The following PRKN variants were observed in gnomAD, a reference collection of about 807,000 sequenced individuals.
PRKN encodes parkin RBR E3 ubiquitin protein ligase.
Under a neutral mutation model 59.5 loss-of-function variants are expected in PRKN, and 56 were observed. The observed-to-expected ratio is 0.94, with a 90% confidence interval of 0.76 to 1.18. PRKN has a LOEUF of 1.18. Among genes scored for constraint, PRKN ranks in the 50% most tolerant of loss-of-function variants. The pLI is 0.00. For missense variants in PRKN, 657 were observed against 596.4 expected (o/e 1.10, Z -1.06); for synonymous variants, 250 against 222.1 (o/e 1.13, Z -1.12).
At chr6:162,356,113 A>C (rs1210618472) in intron 2 of PRKN, among the ~76,000 whole-genome samples, 2 of 152,030 alleles carry the variant, frequency 1.3e-5, no homozygotes, top group African/African-American at 2.4e-5. Flanking sequence ...AAAACCACCA[A>C]CGTGACCTTT....
At chr6:162,213,508 T>G (rs2128075589) in intron 3 of PRKN, among the ~76,000 whole-genome samples, 1 of 152,186 alleles carries the variant, frequency 6.6e-6, no homozygotes, top group African/African-American at 2.4e-5. Flanking sequence ...CAAGTTGAGC[T>G]TGAGCTCAGG....
chr6:161,842,844 C>T (rs563609448), intron 6 of PRKN, among the ~76,000 whole-genome samples: 3 of 152,164 alleles, frequency 2.0e-5, no homozygotes, highest in Admixed American at 6.5e-5. Context: ...CACTGCACCC[C>T]GCCTCTTCCT....
intron 1 of PRKN, among the ~76,000 whole-genome samples, chr6:162,584,356 G>A (rs1780925078): frequency 6.6e-6 from 1 of 151,768 alleles, no homozygotes; most frequent in South Asian, 2.1e-4. Context: ...TAACCAACAT[G>A]AGGGAAAATC....
Position 161,521,841 on chromosome 6 carries a change from G to C in PRKN, c.1083+27013C>G, listed in dbSNP as rs1778837534. On this transcript the variant is annotated intron_variant, in intron 9 of 11. Transcript: ENST00000366898. ...TGCTCATTAGGCCTCTTCCAGACAA[G>C]CCTCCCTTGCATGCAATGAATATGC... Among the ~76,000 whole-genome samples the C allele has an allele frequency of 2.0e-5, 3 of 152,288 alleles. 1 individual carries two copies. Among genetic ancestry groups the C allele is most frequent in the South Asian group, 4.1e-4 (2 of 4,826 alleles).
chr6:162,505,566 C>T (rs1793571999), intron 1 of PRKN, among the ~76,000 whole-genome samples: 1 of 152,140 alleles, frequency 6.6e-6, no homozygotes, highest in Non-Finnish European at 1.5e-5. Context: ...ACTGGATTTA[C>T]CTGTGTCCAC....
chr6:161,885,436 G>A (rs573836526), intron 6 of PRKN, among the ~76,000 whole-genome samples: 10 of 152,184 alleles, frequency 6.6e-5, no homozygotes, highest in Admixed American at 3.9e-4. Context: ...AGGCCGAGGC[G>A]GGCAGATCAC....
chr6:162,098,559 A>G (rs1360201709), intron 4 of PRKN, among the ~76,000 whole-genome samples: 1 of 152,124 alleles, frequency 6.6e-6, no homozygotes, highest in Non-Finnish European at 1.5e-5. Flanking sequence ...ATCTCTCAAT[A>G]TCTTCATCAA....
At chr6:161,663,142 G>A (rs1480444210) in intron 7 of PRKN, among the ~76,000 whole-genome samples, 1 of 152,184 alleles carries the variant, frequency 6.6e-6, no homozygotes, top group Non-Finnish European at 1.5e-5. Flanking sequence ...CCAGGAATGT[G>A]AGGCTTCCCA....
intron 1 of PRKN, among the ~76,000 whole-genome samples, chr6:162,506,417 G>A (rs903596206): frequency 6.6e-6 from 1 of 152,102 alleles, no homozygotes; most frequent in Non-Finnish European, 1.5e-5. Flanking sequence ...ACTAGGAAGA[G>A]AATTTGATTA....
intron 1 of PRKN, among the ~76,000 whole-genome samples, chr6:162,535,907 C>CA (rs71544936): frequency 0.11 from 12,321 of 110,244 alleles, 630 homozygotes; most frequent in South Asian, 0.22. Context: ...GACCCTGTCT[C>CA]AAAAAAAAAA....
At chr6:162,041,163 T>C (rs1784056945) in intron 5 of PRKN, among the ~76,000 whole-genome samples, 1 of 152,052 alleles carries the variant, frequency 6.6e-6, no homozygotes, top group Non-Finnish European at 1.5e-5. Context: ...CCAGCCTAGG[T>C]GACAGAGTGA....
intron 5 of PRKN, among the ~76,000 whole-genome samples, chr6:161,974,691 T>A (rs567603827): frequency 1.3e-5 from 2 of 152,224 alleles, no homozygotes; most frequent in East Asian, 3.9e-4. Context: ...ATACATATAT[T>A]TTACTGGATG....
At chr6:162,178,878 T>G (rs1211871490) in intron 4 of PRKN, among the ~76,000 whole-genome samples, 3 of 152,090 alleles carry the variant, frequency 2.0e-5, no homozygotes, top group African/African-American at 7.2e-5. Context: ...CTTGTTTGCT[T>G]GTTTGTTTTG....
In PRKN at chr6:162,098,210, C is replaced by A. The variant is rs137857982; in HGVS notation, c.535-44036G>T. 8.7e-3 allele frequency among the ~76,000 whole-genome samples: 1,321 copies of A among 152,218 alleles called. 69 individuals are homozygous for A. The highest frequency in any genetic ancestry group is 0.072 in the Admixed American group (1,093 of 15,276). On this transcript the variant is annotated intron_variant, in intron 4 of 11. Coordinates refer to ENST00000366898, the MANE Select transcript of PRKN (RefSeq NM_004562.3). ...GAGTTGCTTTAGTTTAAACGAGGAT[C>A]ATGTCAACTGCAAAACACTATTATG...
chr6:162,397,979 G>C lies in PRKN; in HGVS notation c.171+45331C>G, dbSNP rs747882070. On this transcript the variant is annotated intron_variant, in intron 2 of 11. Coordinates refer to ENST00000366898, the MANE Select transcript of PRKN (RefSeq NM_004562.3). ...TTGAGCCTAGTACCTGGACGTTGCA[G>C]TGAGCTGGGATCTCACCACTGCACT... is the stretch of plus-strand genomic sequence containing the variant. Among the ~76,000 whole-genome samples, 83 of 149,808 alleles carry C rather than the reference G, an allele frequency of 5.5e-4. 1 individual carries two copies. Among genetic ancestry groups the C allele is most frequent in the Middle Eastern group, 3.5e-3 (1 of 284 alleles).
At chr6:162,240,362 C>G (rs1348824405) in intron 3 of PRKN, among the ~76,000 whole-genome samples, 1 of 152,094 alleles carries the variant, frequency 6.6e-6, no homozygotes, top group East Asian at 1.9e-4. Flanking sequence ...TCCTTCTTTC[C>G]TTCCCACGCA....
At chr6:161,796,130 G>A (rs764811664) in intron 6 of PRKN, among the ~76,000 whole-genome samples, 1 of 152,096 alleles carries the variant, frequency 6.6e-6, no homozygotes, top group Non-Finnish European at 1.5e-5. Flanking sequence ...GAAATACAAA[G>A]CCACGATTAC....
chr6:162,177,407 C>T (rs9458473), intron 4 of PRKN, among the ~76,000 whole-genome samples: 73,889 of 151,636 alleles, frequency 0.49, 19,673 homozygotes, highest in Non-Finnish European at 0.61. Flanking sequence ...CGGTTTCTAC[C>T]TCACCTTTTT....
At chr6:162,390,430 T>TTATA (rs61365686) in intron 2 of PRKN, among the ~76,000 whole-genome samples, 28 of 114,588 alleles carry the variant, frequency 2.4e-4, no homozygotes, top group African/African-American at 7.0e-4. Flanking sequence ...CACACACACC[T>TTATA]TATATATATA....
Sources: gnomAD v4.1 joint callset for allele counts (sites outside exome capture counted in the v4.1 genomes callset) on GRCh38, gnomAD v4.1.1 for gene constraint, MANE v1.5 for transcripts, NCBI Gene and HGNC (gene_info 2026-07-23, HGNC 2026-07-21) for gene names.